Variants in JAZF1 observed in about 807,000 individuals in gnomAD.
JAZF1 encodes JAZF zinc finger 1.
JAZF1 carries 8 observed loss-of-function variants against 26.4 expected under a neutral mutation model. That is an observed-to-expected ratio of 0.30 (90% CI 0.18 to 0.55). The LOEUF (loss-of-function observed/expected upper bound fraction) is 0.55. JAZF1 is among the 20% of genes least tolerant of loss of function. The pLI is 0.94. For missense variants in JAZF1, 199 were observed against 322.0 expected (o/e 0.62, Z 2.92); for synonymous variants, 126 against 122.3 (o/e 1.03, Z -0.20).
At chr7:27,927,827 T>C (rs1036700534) in intron 2 of JAZF1, among the ~76,000 whole-genome samples, 2 of 152,308 alleles carry the variant, frequency 1.3e-5, no homozygotes, top group Non-Finnish European at 1.5e-5. Context: ...AAATGCTAAT[T>C]AGTATCCTAC....
chr7:27,878,325 C>T (rs1488179611), intron 3 of JAZF1, among the ~76,000 whole-genome samples: 3 of 152,088 alleles, frequency 2.0e-5, no homozygotes, highest in Non-Finnish European at 4.4e-5. Context: ...ATTTTTTGAC[C>T]ATGATCCATT....
intron 2 of JAZF1, among the ~76,000 whole-genome samples, chr7:27,948,826 T>C (rs1237972610): frequency 6.6e-6 from 1 of 152,234 alleles, no homozygotes; most frequent in African/African-American, 2.4e-5. Flanking sequence ...GGTCAAGTTT[T>C]GGAATTTTTT....
rs1295288572 is a variant in JAZF1, at chr7:27,830,633, C to A, written c.*2167G>T. 5.5e-6 allele frequency: 1 copy of A among 183,056 alleles called. No homozygotes were observed. 11.3% of individuals were successfully genotyped at this position (183,056 alleles called of 1,614,324 possible). The stretch of plus-strand genomic sequence containing the variant: ...TGATTTCATTTACATTTATAAGCAG[C>A]TTTTCTTGACAGGAATTTTGATTAA... On this transcript the variant is annotated 3_prime_UTR_variant, in exon 5 of 5. Coordinates refer to ENST00000283928, the MANE Select transcript of JAZF1 (RefSeq NM_175061.4).
chr7:27,850,687 G>A (rs1583429813), intron 3 of JAZF1, among the ~76,000 whole-genome samples: 1 of 152,220 alleles, frequency 6.6e-6, no homozygotes, highest in South Asian at 2.1e-4. Context: ...AAAAAATTAC[G>A]TTATTTCACT....
chr7:27,865,491 A>G (rs922898143), intron 3 of JAZF1, among the ~76,000 whole-genome samples: 15 of 152,230 alleles, frequency 9.9e-5, no homozygotes, highest in Non-Finnish European at 1.6e-4. Context: ...TTAAAGCCAT[A>G]TTTAACCATC....
At chr7:27,927,530 A>G (rs527265807) in intron 2 of JAZF1, among the ~76,000 whole-genome samples, 34 of 152,278 alleles carry the variant, frequency 2.2e-4, no homozygotes, top group African/African-American at 7.5e-4. Flanking sequence ...TAATAACTAT[A>G]AAGTACTTAT....
intron 2 of JAZF1, among the ~76,000 whole-genome samples, chr7:27,988,405 C>A (rs1785781835): frequency 1.3e-5 from 2 of 148,514 alleles, no homozygotes; most frequent in Non-Finnish European, 3.0e-5. Context: ...GACAGTGTCT[C>A]CCCCCATTAC....
intron 1 of JAZF1, among the ~76,000 whole-genome samples, chr7:28,003,969 G>A (rs1244194129): frequency 1.3e-5 from 2 of 151,964 alleles, no homozygotes; most frequent in Non-Finnish European, 2.9e-5. Flanking sequence ...GTCAAGTATT[G>A]GGTGCTAGGC....
chr7:27,895,505 C>T (rs1007136892), intron 2 of JAZF1, 89 bp from the exon 3 acceptor site: 1 of 939,992 alleles, frequency 1.1e-6, no homozygotes, highest in African/African-American at 1.7e-5. Flanking sequence ...CATGCACGAC[C>T]CTGGAAAAGG....
intron 2 of JAZF1, among the ~76,000 whole-genome samples, chr7:27,899,275 G>A (rs1784125771): frequency 6.6e-6 from 1 of 152,158 alleles, no homozygotes; most frequent in Non-Finnish European, 1.5e-5. Context: ...AACAAATGAG[G>A]ACTATGTTCC....
intron 1 of JAZF1, among the ~76,000 whole-genome samples, chr7:28,031,692 G>A (rs1393254816): frequency 6.6e-6 from 1 of 152,012 alleles, no homozygotes; most frequent in Non-Finnish European, 1.5e-5. Context: ...TGAACACATG[G>A]ATACAGAGAG....
At chr7:28,140,382 C>CA (rs1191604751) in intron 1 of JAZF1, among the ~76,000 whole-genome samples, 2 of 152,058 alleles carry the variant, frequency 1.3e-5, no homozygotes, top group Admixed American at 6.5e-5. Context: ...CATGCCCAGC[C>CA]AAAAGTCACA....
chr7:28,020,937 TC>T, intron 1 of JAZF1: 1 of 317,070 alleles, frequency 3.2e-6, no homozygotes, highest in Non-Finnish European at 6.2e-6. Context: ...GTAACCTGGT[TC>T]TTTGGAATTT....
intron 1 of JAZF1, among the ~76,000 whole-genome samples, chr7:28,124,958 G>A (rs1203126224): frequency 1.3e-5 from 2 of 152,112 alleles, no homozygotes; most frequent in Non-Finnish European, 2.9e-5. Flanking sequence ...GTAAAATAAA[G>A]TCATAAAAAT....
intron 1 of JAZF1, among the ~76,000 whole-genome samples, chr7:28,121,345 G>A (rs1583572012): frequency 6.6e-6 from 1 of 152,118 alleles, no homozygotes; most frequent in East Asian, 1.9e-4. Flanking sequence ...GGTAGAATGG[G>A]ACTACAATTA....
chr7:28,090,951 C>A (rs981501212), intron 1 of JAZF1, among the ~76,000 whole-genome samples: 1 of 150,918 alleles, frequency 6.6e-6, no homozygotes, highest in Non-Finnish European at 1.5e-5. Context: ...CTCAGCCTCC[C>A]GAGTAGCTGG....
At chr7:27,996,348 T>C (rs369995484) in intron 1 of JAZF1, among the ~76,000 whole-genome samples, 1 of 152,216 alleles carries the variant, frequency 6.6e-6, no homozygotes, top group African/African-American at 2.4e-5. Flanking sequence ...TCACGCCGTT[T>C]GAGAACTTGT....
At chr7:27,887,429 T>C (rs2128340606) in intron 3 of JAZF1, among the ~76,000 whole-genome samples, 1 of 152,164 alleles carries the variant, frequency 6.6e-6, no homozygotes, top group East Asian at 1.9e-4. Flanking sequence ...TTTATTTATT[T>C]ATTTGAGATG....
chr7:28,014,648 ATTAAACCTCTTTCT>A (rs1782853989), intron 1 of JAZF1, among the ~76,000 whole-genome samples: 1 of 152,236 alleles, frequency 6.6e-6, no homozygotes, highest in Non-Finnish European at 1.5e-5. Flanking sequence ...CTGTAAGTTC[ATTAAACCTCTTTCT>A]TTGGTAAATT....
Sources: gnomAD v4.1 joint callset for allele counts (sites outside exome capture counted in the v4.1 genomes callset) on GRCh38, gnomAD v4.1.1 for gene constraint, MANE v1.5 for transcripts, NCBI Gene and HGNC (gene_info 2026-07-23, HGNC 2026-07-21) for gene names.